Variants in TCTN2 observed in about 807,000 individuals in gnomAD.
TCTN2 encodes the protein tectonic family member 2, also known as tectonic-2.
Under a neutral mutation model 83.4 loss-of-function variants are expected in TCTN2, and 66 were observed. The ratio of observed to expected loss-of-function variants is 0.79; its 90% CI spans 0.65 to 0.97. TCTN2 has a LOEUF of 0.97. Among genes scored for constraint, TCTN2 ranks in the 50% least tolerant of loss-of-function variants. The pLI is 0.00. For missense variants in TCTN2, 794 were observed against 858.1 expected (o/e 0.93, Z 0.93); for synonymous variants, 301 against 326.7 (o/e 0.92, Z 0.85).
intron 9 of TCTN2, among the ~76,000 whole-genome samples, chr12:123,693,376 C>CTTTTTT (rs373196834): frequency 1.6e-4 from 15 of 92,924 alleles, no homozygotes; most frequent in Admixed American, 2.5e-4. Flanking sequence ...GCTTTCTTTC[C>CTTTTTT]TTTTTTTTTT....
intron 4 of TCTN2, among the ~76,000 whole-genome samples, chr12:123,675,918 TC>T (rs1023000622): frequency 1.3e-5 from 2 of 151,128 alleles, no homozygotes; most frequent in Admixed American, 1.3e-4. Context: ...AAAAAAAAAA[TC>T]CCCCCAAAAC....
At chr12:123,685,367 A>C (rs1214536443) in intron 5 of TCTN2, among the ~76,000 whole-genome samples, 1 of 152,240 alleles carries the variant, frequency 6.6e-6, no homozygotes, top group Non-Finnish European at 1.5e-5. Context: ...TTTAACTTAC[A>C]GCTCTCTGGA....
At chr12:123,676,566 T>TGA (rs1214870273) in intron 4 of TCTN2, among the ~76,000 whole-genome samples, 1 of 60,698 alleles carries the variant, frequency 1.6e-5, no homozygotes, top group Non-Finnish European at 3.0e-5. Context: ...AGACTCCATC[T>TGA]AAAAAAAAAA....
intron 5 of TCTN2, among the ~76,000 whole-genome samples, chr12:123,680,969 A>G (rs2135826104): frequency 6.6e-6 from 1 of 152,224 alleles, no homozygotes; most frequent in East Asian, 1.9e-4. Context: ...ATAAAAAAAG[A>G]AAGAATAAGA....
At chr12:123,674,395 C>G (rs538709058) in intron 4 of TCTN2, among the ~76,000 whole-genome samples, 201 of 152,114 alleles carry the variant, frequency 1.3e-3, no homozygotes, top group African/African-American at 4.6e-3. Context: ...CTCAGCCTCC[C>G]GAGTAGCTGG....
intron 4 of TCTN2, among the ~76,000 whole-genome samples, chr12:123,676,379 T>C (rs1010390753): frequency 6.6e-6 from 1 of 151,706 alleles, no homozygotes; most frequent in African/African-American, 2.4e-5. Flanking sequence ...CCATTCTGGC[T>C]AACACGGTGA....
chr12:123,698,855 G>A (rs1053972535), intron 13 of TCTN2, among the ~76,000 whole-genome samples: 3 of 152,132 alleles, frequency 2.0e-5, no homozygotes, highest in South Asian at 2.1e-4. Flanking sequence ...ATTGGCAGCA[G>A]CTCCTGATTA....
chr12:123,694,315 G>C (rs1956082154), intron 9 of TCTN2, among the ~76,000 whole-genome samples: 1 of 152,196 alleles, frequency 6.6e-6, no homozygotes, highest in South Asian at 2.1e-4. Flanking sequence ...TTTTAGTAGA[G>C]ACAGGGTTTC....
intron 5 of TCTN2, among the ~76,000 whole-genome samples, chr12:123,684,586 A>G (rs1466306357): frequency 6.6e-6 from 1 of 151,664 alleles, no homozygotes; most frequent in African/African-American, 2.4e-5. Context: ...TTTTCAGTAG[A>G]GACGAGTTTT....
chr12:123,686,284 T>C (rs1327443542), intron 5 of TCTN2, among the ~76,000 whole-genome samples: 1 of 152,152 alleles, frequency 6.6e-6, no homozygotes, highest in East Asian at 1.9e-4. Context: ...TGACCTCAAG[T>C]GATCCACCTG....
chr12:123,688,267 A>G, intron 7 of TCTN2, 90 bp downstream of exon 7: 1 of 1,502,604 alleles, frequency 6.7e-7, no homozygotes, highest in South Asian at 1.2e-5. Flanking sequence ...CCTAGGCTCA[A>G]GTGCAGTGCC....
intron 11 of TCTN2, chr12:123,695,585 C>CTT (rs34123979): frequency 1.5e-4 from 26 of 172,898 alleles, no homozygotes; most frequent in East Asian, 4.8e-4. Context: ...CCATGCCTGG[C>CTT]TTTTTTTTTT....
intron 17 of TCTN2, 187 bp downstream of exon 17, chr12:123,707,260 T>G (rs1956241758): frequency 1.6e-6 from 1 of 642,322 alleles, no homozygotes. Context: ...TACACTGTTT[T>G]TTTTTTTAGA....
chr12:123,672,132 G>A lies in TCTN2; in HGVS notation c.267G>A (p.Ala89=), dbSNP rs775250997. Residue 89 remains alanine (A), a splice_region_variant and synonymous_variant, in exon 3 of 18, where the codon GCG becomes GCA. Coordinates refer to ENST00000303372, the MANE Select transcript of TCTN2 (RefSeq NM_024809.5). ...GGAGCGTGACTGTGATCCCCGGTGC[G>A]GTAAGGCCAGAAGTAAACCTTCTCT... ...EDWSVTVIPG[A]KVLEVTVRWK... 5.6e-6 allele frequency: 9 copies of A among 1,613,874 alleles called. No individual in the cohort carries two copies. The African/African-American group carries it at 6.7e-5, about 12-fold the overall frequency.
chr12:123,702,951 C>A (rs1041464152), intron 14 of TCTN2, among the ~76,000 whole-genome samples: 1 of 152,076 alleles, frequency 6.6e-6, no homozygotes, highest in African/African-American at 2.4e-5. Flanking sequence ...CTTCGGAATC[C>A]CTGAAGGAGC....
In TCTN2 at chr12:123,673,796, C is replaced by T. The variant is rs759741387; in HGVS notation, c.449C>T (p.Thr150Ile). Residue 150 changes from threonine (T) to isoleucine (I), a missense_variant, in exon 4 of 18, where the codon ACC (threonine) becomes ATC (isoleucine). Thr to Ile is a moderately conservative substitution (Grantham distance 89). Transcript: ENST00000303372. ...QVEIYANSSL[T>I]HNASENVTVI... ...GAAATTTATGCCAACTCTTCTCTGACCCATAATGCCTCAGGCAAGTGAAGT... is the reference window on the plus strand; with the variant it reads ...GAAATTTATGCCAACTCTTCTCTGATCCATAATGCCTCAGGCAAGTGAAGT... The T allele has an allele frequency of 2.5e-6, 4 of 1,614,004 alleles. No individual in the cohort carries two copies. The highest frequency in any genetic ancestry group is 3.4e-6 in the Non-Finnish European group (4 of 1,179,996).
chr12:123,695,558 A>T (rs1233996370), intron 11 of TCTN2: 3 of 318,122 alleles, frequency 9.4e-6, no homozygotes, highest in African/African-American at 2.3e-5. Context: ...AGTAGCTGGG[A>T]TTACAGGTGC....
intron 5 of TCTN2, among the ~76,000 whole-genome samples, chr12:123,685,374 T>A (rs1253469281): frequency 6.6e-6 from 1 of 152,228 alleles, no homozygotes. Flanking sequence ...TACAGCTCTC[T>A]GGATCCTTCG....
At chr12:123,677,364 C>A (rs1237595568) in intron 4 of TCTN2, among the ~76,000 whole-genome samples, 1 of 152,196 alleles carries the variant, frequency 6.6e-6, no homozygotes, top group Non-Finnish European at 1.5e-5. Context: ...TCTTTAGATA[C>A]TTCAGCTATT....
Sources: gnomAD v4.1 joint callset for allele counts (sites outside exome capture counted in the v4.1 genomes callset) on GRCh38, gnomAD v4.1.1 for gene constraint, MANE v1.5 for transcripts, NCBI Gene and HGNC (gene_info 2026-07-23, HGNC 2026-07-21) for gene names.